SGMS2: variants seen among roughly 807,000 people sequenced by gnomAD.
SGMS2 encodes the protein sphingomyelin synthase 2, also known as phosphatidylcholine:ceramide cholinephosphotransferase 2.
Under a neutral mutation model 43.8 loss-of-function variants are expected in SGMS2, and 21 were observed. The observed-to-expected ratio is 0.48, with a 90% CI of 0.34 to 0.69. SGMS2 has a LOEUF of 0.69. Among genes scored for constraint, SGMS2 ranks in the 30% least tolerant of loss-of-function variants. SGMS2 has a pLI of 0.01. For synonymous variants in SGMS2, 167 were observed against 160.6 expected (o/e 1.04, Z -0.30); for missense variants, 384 against 443.2 (o/e 0.87, Z 1.20).
chr4:107,880,947 G>C (rs1488968724), intron 2 of SGMS2, among the ~76,000 whole-genome samples: 1 of 151,890 alleles, frequency 6.6e-6, no homozygotes, highest in East Asian at 1.9e-4. Context: ...AGATTTCTTA[G>C]CTAAACTGAA....
intron 2 of SGMS2, among the ~76,000 whole-genome samples, chr4:107,869,021 A>G (rs990861442): frequency 1.3e-5 from 2 of 152,200 alleles, no homozygotes; most frequent in African/African-American, 4.8e-5. Flanking sequence ...GTCAAAAGGT[A>G]GAAGTAAAGA....
chr4:107,836,703 C>T (rs935283524), intron 1 of SGMS2, among the ~76,000 whole-genome samples: 4 of 152,130 alleles, frequency 2.6e-5, no homozygotes, highest in Non-Finnish European at 5.9e-5. Context: ...AATTTGTGCT[C>T]TTCCTCAGTT....
At chr4:107,858,016 C>G (rs553728761) in intron 1 of SGMS2, among the ~76,000 whole-genome samples, 1 of 152,096 alleles carries the variant, frequency 6.6e-6, no homozygotes, top group East Asian at 1.9e-4. Context: ...CCCCACCCCC[C>G]CCATCCCCAA....
chr4:107,840,262 A>T (rs1292766299), intron 1 of SGMS2, among the ~76,000 whole-genome samples: 2 of 152,162 alleles, frequency 1.3e-5, no homozygotes, highest in Non-Finnish European at 2.9e-5. Context: ...TAGAACTCTG[A>T]TTTCCTCATG....
intron 2 of SGMS2, among the ~76,000 whole-genome samples, chr4:107,892,164 G>A (rs1310205779): frequency 7.4e-6 from 1 of 135,202 alleles, no homozygotes; most frequent in Non-Finnish European, 1.5e-5. Context: ...CCGTAAAGGA[G>A]TTACCTACCT....
At chr4:107,838,900 C>T (rs1237416499) in intron 1 of SGMS2, among the ~76,000 whole-genome samples, 5 of 152,258 alleles carry the variant, frequency 3.3e-5, no homozygotes, top group African/African-American at 9.6e-5. Flanking sequence ...CACCATCTGC[C>T]TTCTGTAGCC....
chr4:107,840,881 C>T (rs531752949), intron 1 of SGMS2, among the ~76,000 whole-genome samples: 1 of 152,146 alleles, frequency 6.6e-6, no homozygotes, highest in African/African-American at 2.4e-5. Context: ...CACTCTTCAA[C>T]ATGTCAGCAG....
chr4:107,864,222 T>C (rs1365819112), intron 2 of SGMS2: 1 of 152,220 alleles, frequency 6.6e-6, no homozygotes, highest in Non-Finnish European at 1.5e-5. Context: ...TGTTAGAGAA[T>C]TGTGTTGGGA....
intron 3 of SGMS2, among the ~76,000 whole-genome samples, chr4:107,899,166 A>C (rs1578647434): frequency 6.6e-6 from 1 of 152,254 alleles, no homozygotes; most frequent in South Asian, 2.1e-4. Context: ...TGGCTTGCTT[A>C]TTCCTTTCAT....
intron 2 of SGMS2, among the ~76,000 whole-genome samples, chr4:107,876,973 C>T (rs374064144): frequency 3.3e-5 from 5 of 152,126 alleles, no homozygotes; most frequent in East Asian, 3.9e-4. Context: ...AAAATATTAA[C>T]TCCAATATAA....
At chr4:107,900,648 G>A (rs1011106967) in intron 4 of SGMS2, among the ~76,000 whole-genome samples, 23 of 151,952 alleles carry the variant, frequency 1.5e-4, no homozygotes, top group African/African-American at 4.6e-4. Context: ...TAATCATCTC[G>A]GACTTCAGTG....
intron 2 of SGMS2, among the ~76,000 whole-genome samples, chr4:107,871,031 G>C (rs940589362): frequency 6.6e-6 from 1 of 152,142 alleles, no homozygotes; most frequent in African/African-American, 2.4e-5. Context: ...CAGGTTTAGA[G>C]ACAGCGATTT....
At chr4:107,850,640 C>T (rs1727084845) in intron 1 of SGMS2, among the ~76,000 whole-genome samples, 1 of 152,182 alleles carries the variant, frequency 6.6e-6, no homozygotes, top group South Asian at 2.1e-4. Flanking sequence ...ACTCCTTTCA[C>T]TTTCCCTTCC....
intron 1 of SGMS2, among the ~76,000 whole-genome samples, chr4:107,834,604 T>C (rs1475422306): frequency 6.6e-6 from 1 of 152,192 alleles, no homozygotes; most frequent in Non-Finnish European, 1.5e-5. Flanking sequence ...CCTAGCAATG[T>C]TATTATGAAA....
intron 2 of SGMS2, among the ~76,000 whole-genome samples, chr4:107,882,896 A>C (rs1489352374): frequency 6.6e-6 from 1 of 152,206 alleles, no homozygotes; most frequent in African/African-American, 2.4e-5. Flanking sequence ...ATTATTCATT[A>C]TTGCAGTTTA....
In SGMS2 at chr4:107,895,942, T is replaced by C; in HGVS notation, c.389T>C (p.Val130Ala). The C allele has an allele frequency of 6.2e-7, 1 of 1,613,986 alleles. No individual in the cohort carries two copies. The highest frequency in any genetic ancestry group is 8.5e-7 in the Non-Finnish European group (1 of 1,179,936). Residue 130 changes from valine to alanine, a missense_variant, in exon 3 of 7, where the codon GTA becomes GCA. Transcript: ENST00000690982. ...YIDRVKWAFS[V>A]SEINGIILVG... is the part of the protein sequence containing the mutation. ...GATAGGGTGAAATGGGCATTTTCTG[T>C]ATCAGAAATAAATGGGATTATATTA...
chr4:107,873,623 T>G (rs1018834101), intron 2 of SGMS2, among the ~76,000 whole-genome samples: 4 of 152,050 alleles, frequency 2.6e-5, no homozygotes, highest in African/African-American at 9.7e-5. Context: ...TTTATTTGCA[T>G]ACAATAATGA....
At chr4:107,856,025 C>G (rs1196624122) in intron 1 of SGMS2, among the ~76,000 whole-genome samples, 1 of 152,102 alleles carries the variant, frequency 6.6e-6, no homozygotes, top group Non-Finnish European at 1.5e-5. Context: ...GCTTTGCTGT[C>G]TCTGCAGTGA....
intron 2 of SGMS2, among the ~76,000 whole-genome samples, chr4:107,877,925 T>C (rs919262148): frequency 1.0e-4 from 15 of 143,550 alleles, no homozygotes; most frequent in Non-Finnish European, 2.0e-4. Flanking sequence ...TTTTTTTTTT[T>C]TTTTTTTTGA....
Sources: gnomAD v4.1 joint callset for allele counts (sites outside exome capture counted in the v4.1 genomes callset) on GRCh38, gnomAD v4.1.1 for gene constraint, MANE v1.5 for transcripts, NCBI Gene and HGNC (gene_info 2026-07-23, HGNC 2026-07-21) for gene names.